Variants in MUC17 observed in about 807,000 individuals in gnomAD.
MUC17 encodes mucin-17.
MUC17 carries 190 observed loss-of-function variants against 170.3 expected under a neutral mutation model. The observed-to-expected ratio is 1.12, with a 90% CI of 0.99 to 1.26. The LOEUF (loss-of-function observed/expected upper bound fraction) is 1.26, where lower values mean the gene tolerates loss of function less well. Ranked by LOEUF, MUC17 falls within the 50% of genes most tolerant of loss-of-function variation. The pLI is 0.00. For missense variants in MUC17, 6,415 were observed against 5,530.0 expected (o/e 1.16, Z -5.08); for synonymous variants, 2,325 against 2,002.5 (o/e 1.16, Z -4.30).
chr7:101,021,206 G>C (rs1231176686), intron 1 of MUC17, among the ~76,000 whole-genome samples: 1 of 92,074 alleles, frequency 1.1e-5, no homozygotes, highest in Non-Finnish European at 2.0e-5. Flanking sequence ...TTTTTTTTGA[G>C]ACGGAGCCTC....
chr7:101,031,504 G>A (rs574919314), intron 2 of MUC17, 97 bp from the exon 3 acceptor site: 5 of 1,294,594 alleles, frequency 3.9e-6, no homozygotes, highest in Non-Finnish European at 5.2e-6. Flanking sequence ...TCCCTTATCT[G>A]AACACATTTT....
rs190056776 is a variant in MUC17 at position 101,029,218 on chromosome 7, C to T, written c.83-1902C>T. ...AAGAAAAAAAAAAAATAGCTGGACA[C>T]GGTGGCAGGTGTCTGTAATCCCAGC... On this transcript the variant is annotated intron_variant, in intron 1 of 12. Coordinates refer to ENST00000306151, the MANE Select transcript of MUC17 (RefSeq NM_001040105.2). Among the ~76,000 whole-genome samples the T allele has an allele frequency of 1.3e-3, 202 of 150,010 alleles. 4 individuals carry two copies. In the East Asian group the frequency reaches 0.029, roughly 22 times the overall value.
Position 101,037,930 on chromosome 7 carries a change from G to C in MUC17, c.6514G>C (p.Val2172Leu), listed in dbSNP as rs147094151. The C allele has an allele frequency of 0.05, 75,554 of 1,520,580 alleles. 2,009 individuals are homozygous for C. The highest frequency in any genetic ancestry group is 0.058 in the Non-Finnish European group (64,665 of 1,116,716). 94.2% of individuals were successfully genotyped at this position (1,520,580 alleles called of 1,614,324 possible). Reference protein sequence around the residue: ...PLTSMPVSTTVVASSAISTLS... With the variant: ...PLTSMPVSTTLVASSAISTLS... The stretch of plus-strand genomic sequence containing the variant: ...AACAAGTATGCCTGTCAGCACCACA[G>C]TGGTGGCCAGTTCTGCAATCAGCAC... Residue 2172 changes from valine (V) to leucine (L), a missense_variant, in exon 3 of 13, where the codon GTG (valine) becomes CTG (leucine). Coordinates refer to ENST00000306151, the MANE Select transcript of MUC17 (RefSeq NM_001040105.2).
At chr7:101,045,385 C>T (rs1180238971) in intron 3 of MUC17, among the ~76,000 whole-genome samples, 2 of 151,066 alleles carry the variant, frequency 1.3e-5, no homozygotes, top group Non-Finnish European at 2.9e-5. Flanking sequence ...TTTTTCTTTT[C>T]TTTTCTTTTC....
chr7:101,058,121 C>A lies in MUC17; in HGVS notation c.*77C>A. On this transcript the variant is annotated 3_prime_UTR_variant, in exon 13 of 13. Transcript: ENST00000306151. ...TGGTGGAGCATTTTCCCATTGAGAG[C>A]CTTCCATGGGAACTCAATGTTCCCA... 1.5e-6 allele frequency: 2 copies of A among 1,329,614 alleles called. No individual in the cohort carries two copies. Among genetic ancestry groups the A allele is most frequent in the Non-Finnish European group, 2.2e-6 (2 of 923,680 alleles). The allele number at this position is 1,329,614 out of a possible 1,614,324, so 82.4% of individuals were successfully genotyped here.
Position 101,032,177 on chromosome 7 carries a change from G to C in MUC17, c.761G>C (p.Ser254Thr), listed in dbSNP as rs1389831155. 2 of 1,614,004 alleles carry C rather than the reference G, an allele frequency of 1.2e-6. No homozygotes were observed. Among genetic ancestry groups the C allele is most frequent in the Non-Finnish European group, 1.7e-6 (2 of 1,180,026 alleles). Residue 254 changes from serine to threonine, a missense_variant, in exon 3 of 13, where the codon AGT becomes ACT. By Grantham distance (58) the Ser-to-Thr change is moderately conservative (BLOSUM62 1). Coordinates refer to ENST00000306151, the MANE Select transcript of MUC17 (RefSeq NM_001040105.2). Reference sequence around the variant, plus strand: ...CCTGTGACCATTTCTGCTCAAGCCAGTTCATCTCCTACAACTGCTGAAGGT... The same window carrying C: ...CCTGTGACCATTTCTGCTCAAGCCACTTCATCTCCTACAACTGCTGAAGGT... The part of the protein sequence containing the change: ...STPVTISAQA[S>T]SSPTTAEGPS...
chr7:101,032,545 A>C lies in MUC17; in HGVS notation c.1129A>C (p.Thr377Pro). Residue 377 changes from threonine to proline, a missense_variant, in exon 3 of 13, where the codon ACT becomes CCT. Physicochemically the swap from Thr to Pro is conservative, Grantham distance 38. Coordinates refer to ENST00000306151, the MANE Select transcript of MUC17 (RefSeq NM_001040105.2). The part of the protein sequence containing the change: ...TSTEPSSLPT[T>P]AEATSMLTST... ...TACTGAACCCAGTTCACTTCCTACA[A>C]CTGCTGAAGCTACCAGCATGCTAAC... 1.9e-6 allele frequency: 3 copies of C among 1,614,104 alleles called. No homozygotes were observed. The highest frequency in any genetic ancestry group is 2.5e-6 in the Non-Finnish European group (3 of 1,180,014).
Position 101,058,149 on chromosome 7 carries a change from G to A in MUC17, c.*105G>A. ...TCCATGGGAACTCAATGTTCCCATTGTAAGTACAGGAAACAAGCCCTGTAC... is the reference window on the plus strand; with the variant it reads ...TCCATGGGAACTCAATGTTCCCATTATAAGTACAGGAAACAAGCCCTGTAC... On this transcript the variant is annotated 3_prime_UTR_variant, in exon 13 of 13. Coordinates refer to ENST00000306151, the MANE Select transcript of MUC17 (RefSeq NM_001040105.2). The A allele has an allele frequency of 9.7e-7, 1 of 1,035,480 alleles. No homozygotes were observed. Among genetic ancestry groups the A allele is most frequent in the East Asian group, 2.4e-5 (1 of 41,592 alleles). 64.1% of individuals were successfully genotyped at this position (1,035,480 alleles called of 1,614,324 possible).
chr7:101,050,775 T>C, intron 7 of MUC17, 140 bp downstream of exon 7: 1 of 1,284,910 alleles, frequency 7.8e-7, no homozygotes, highest in African/African-American at 1.5e-5. Context: ...GTCCCTGGGG[T>C]TGCAGCGCAA....
rs752582863 is a variant in MUC17 at position 101,034,067 on chromosome 7, C to A, written c.2651C>A (p.Thr884Asn). 1 of 1,607,890 alleles carries A rather than the reference C, an allele frequency of 6.2e-7. No individual in the cohort carries two copies. Among genetic ancestry groups the A allele is most frequent in the Non-Finnish European group, 8.5e-7 (1 of 1,177,420 alleles). ...TTLVATSAIS[T>N]LSTTPVDTST... is the part of the protein sequence containing the mutation. ...CTGGTGGCCACTTCTGCAATCAGCA[C>A]CCTTTCAACAACTCCTGTTGACACC... The change falls in exon 3 of 13, where the codon ACC becomes AAC. Residue 884 changes from threonine to asparagine, a missense_variant. Transcript: ENST00000306151.
chr7:101,024,341 C>G lies in MUC17; in HGVS notation c.82+4124C>G, dbSNP rs61087229. 2.6e-5 allele frequency among the ~76,000 whole-genome samples: 4 copies of G among 151,416 alleles called. No individual in the cohort carries two copies. In the South Asian group the frequency reaches 6.2e-4, roughly 24 times the overall value. ...CTTGAATCTGGGAGGCAGAGGTTGC[C>G]GTGAGCCGAGATGGCATCACTGCAC... On this transcript the variant is annotated intron_variant, in intron 1 of 12. Coordinates refer to ENST00000306151, the MANE Select transcript of MUC17 (RefSeq NM_001040105.2).
rs1562809269 is a variant in MUC17, at chr7:101,036,093, CG to C, written c.4679del (p.Gly1560ValfsTer16). The C allele has an allele frequency of 1.9e-6, 3 of 1,611,076 alleles. No individual in the cohort carries two copies. Among genetic ancestry groups the C allele is most frequent in the Admixed American group, 1.7e-5 (1 of 59,812 alleles). ...QASSSPTTAD[G>X]TSMQTSTYSE... Reference sequence around the variant, plus strand: ...CCAGTTCATCTCCTACAACTGCTGACGGTACCAGCATGCAAACCTCAACTTA... The same window carrying C: ...CCAGTTCATCTCCTACAACTGCTGACGTACCAGCATGCAAACCTCAACTTA... On this transcript the variant is annotated frameshift_variant, in exon 3 of 13. Transcript: ENST00000306151. LOFTEE classifies it high-confidence loss of function.
Position 101,038,493 on chromosome 7 carries a change from T to C in MUC17, c.7077T>C (p.Ser2359=), listed in dbSNP as rs200177923. The C allele has an allele frequency of 1.8e-5, 29 of 1,600,424 alleles. No individual in the cohort carries two copies. Among genetic ancestry groups the C allele is most frequent in the Non-Finnish European group, 2.4e-5 (28 of 1,172,816 alleles). ...MVASFETSTL[S]TTPADTSTPV... The stretch of plus-strand genomic sequence containing the variant: ...CCAGTTTTGAAACAAGCACACTTTC[T>C]ACAACTCCTGCTGACACCAGCACAC... The change falls in exon 3 of 13, where the codon TCT becomes TCC. Residue 2359 remains serine, a synonymous_variant. Coordinates refer to ENST00000306151, the MANE Select transcript of MUC17 (RefSeq NM_001040105.2).
At position 101,036,463 on chromosome 7, in the gene MUC17, T is replaced by C. The variant is rs201934879; in HGVS notation, c.5047T>C (p.Ser1683Pro). 10 of 1,610,812 alleles carry C rather than the reference T, an allele frequency of 6.2e-6. No homozygotes were observed. In the Admixed American group the frequency reaches 1.7e-4, roughly 27 times the overall value. ...TPAEGTSMPT[S>P]TYTEGRTPLT... Reference sequence around the variant, plus strand: ...TGCTGAAGGTACCAGCATGCCAACCTCAACTTATACTGAAGGAAGAACTCC... The same window carrying C: ...TGCTGAAGGTACCAGCATGCCAACCCCAACTTATACTGAAGGAAGAACTCC... The change falls in exon 3 of 13, where the codon TCA becomes CCA. Residue 1683 changes from serine to proline, a missense_variant. Ser to Pro is a moderately conservative substitution (Grantham distance 74). Coordinates refer to ENST00000306151, the MANE Select transcript of MUC17 (RefSeq NM_001040105.2).
intron 3 of MUC17, among the ~76,000 whole-genome samples, chr7:101,044,149 G>T (rs1026631855): frequency 1.3e-5 from 2 of 152,154 alleles, no homozygotes; most frequent in African/African-American, 4.8e-5. Flanking sequence ...CTTCATCCAT[G>T]TCCCTACAAA....
Position 101,051,695 on chromosome 7 carries a change from C to A in MUC17, c.12943+14C>A. ...ACGACCCTGAAGGTAGGTGATAACA[C>A]AAGGGGTTTGGGGGAAGGCTGGAGA... On this transcript the variant is annotated intron_variant, in intron 8 of 12. Coordinates refer to ENST00000306151, the MANE Select transcript of MUC17 (RefSeq NM_001040105.2). 6.2e-7 allele frequency: 1 copy of A among 1,610,880 alleles called. No individual in the cohort carries two copies. Among genetic ancestry groups the A allele is most frequent in the Non-Finnish European group, 8.5e-7 (1 of 1,178,666 alleles).
At position 101,043,753 on chromosome 7, in the gene MUC17, G is replaced by A; in HGVS notation, c.12337G>A (p.Val4113Ile). Residue 4113 changes from valine (V) to isoleucine (I), a missense_variant, in exon 3 of 13, where the codon GTC becomes ATC. Coordinates refer to ENST00000306151, the MANE Select transcript of MUC17 (RefSeq NM_001040105.2). ...CTTCCCCACGGTGACCACCACCGCTGTCCCCACGAATACTACAATTAAGAG... is the reference window on the plus strand; with the variant it reads ...CTTCCCCACGGTGACCACCACCGCTATCCCCACGAATACTACAATTAAGAG... Reference protein sequence around the residue: ...TSFPTVTTTAVPTNTTIKSNP... With the variant: ...TSFPTVTTTAIPTNTTIKSNP... 1.2e-6 allele frequency: 2 copies of A among 1,613,962 alleles called. No individual in the cohort carries two copies. The highest frequency in any genetic ancestry group is 1.7e-6 in the Non-Finnish European group (2 of 1,179,982).
At chr7:101,030,563 A>C (rs550596368) in intron 1 of MUC17, among the ~76,000 whole-genome samples, 5 of 152,018 alleles carry the variant, frequency 3.3e-5, no homozygotes, top group Non-Finnish European at 7.4e-5. Flanking sequence ...CTATCTTTTA[A>C]AAAATATTTA....
At chr7:101,029,380 T>C (rs1213465844) in intron 1 of MUC17, among the ~76,000 whole-genome samples, 1 of 152,020 alleles carries the variant, frequency 6.6e-6, no homozygotes, top group East Asian at 1.9e-4. Flanking sequence ...CATACATGTA[T>C]ACATACATAC....
Sources: gnomAD v4.1 joint callset for allele counts (sites outside exome capture counted in the v4.1 genomes callset) on GRCh38, gnomAD v4.1.1 for gene constraint, MANE v1.5 for transcripts, NCBI Gene and HGNC (gene_info 2026-07-23, HGNC 2026-07-21) for gene names.